PARD6G: variants seen among roughly 807,000 people sequenced by gnomAD.
PARD6G encodes the protein par-6 family cell polarity regulator gamma.
A neutral mutation model predicts 10.7 loss-of-function variants in PARD6G; 7 were observed. The observed-to-expected ratio is 0.66, with a 90% CI of 0.37 to 1.23. The LOEUF (loss-of-function observed/expected upper bound fraction) is 1.23, where lower values mean the gene tolerates loss of function less well. Among genes scored for constraint, PARD6G ranks in the 50% most tolerant of loss-of-function variants. The pLI is 0.02. For missense variants in PARD6G, 548 were observed against 571.8 expected, an observed-to-expected ratio of 0.96 and a Z score of 0.42; for synonymous variants, 287 against 269.4, an observed-to-expected ratio of 1.07 and a Z score of -0.64.
intron 1 of PARD6G, among the ~76,000 whole-genome samples, chr18:80,215,244 T>C (rs1967151469): frequency 6.6e-6 from 1 of 152,146 alleles, no homozygotes; most frequent in African/African-American, 2.4e-5. Flanking sequence ...TTATAAGAAA[T>C]ACTAAAGGGC....
chr18:80,227,655 C>A (rs1967306928), intron 1 of PARD6G, among the ~76,000 whole-genome samples: 1 of 152,230 alleles, frequency 6.6e-6, no homozygotes, highest in Admixed American at 6.5e-5. Flanking sequence ...TCACACACAC[C>A]AGGTAGTGTT....
intron 1 of PARD6G, among the ~76,000 whole-genome samples, chr18:80,237,629 A>G (rs1466988810): frequency 6.6e-6 from 1 of 152,240 alleles, no homozygotes; most frequent in Admixed American, 6.5e-5. Context: ...TCCAGAATCT[A>G]CAAAGAACAC....
chr18:80,207,990 G>A (rs1156309254), intron 1 of PARD6G, among the ~76,000 whole-genome samples: 1 of 152,070 alleles, frequency 6.6e-6, no homozygotes, highest in Non-Finnish European at 1.5e-5. Context: ...AAAAATAAGA[G>A]TCTGTTTATC....
chr18:80,232,758 G>A (rs1207472314), intron 1 of PARD6G, among the ~76,000 whole-genome samples: 4 of 152,102 alleles, frequency 2.6e-5, no homozygotes, highest in Non-Finnish European at 4.4e-5. Flanking sequence ...GGCCAAACAC[G>A]CCCACACCAG....
At position 80,188,030 on chromosome 18, in the gene PARD6G, T is replaced by C. The variant is rs752946679; in HGVS notation, c.295+14680A>G. On this transcript the variant is annotated intron_variant, in intron 2 of 2. Transcript: ENST00000353265. This position sits in a 1 kb window ranked among gnomAD's most constrained non-coding sequence, Gnocchi z 5.4. ...ACGGGACTGCTGCATATGTGCTCCA[T>C]CACTGACTGAAACGCTAAGTGGTGC... 53 of 152,248 alleles carry C rather than the reference T, an allele frequency of 3.5e-4. No individual in the cohort carries two copies. The highest frequency in any genetic ancestry group is 3.3e-4 in the Admixed American group (5 of 15,284). The allele number at this position is 152,248 out of a possible 1,614,324, so 9.4% of individuals were successfully genotyped here.
intron 1 of PARD6G, among the ~76,000 whole-genome samples, chr18:80,236,999 C>A (rs1967430954): frequency 6.6e-6 from 1 of 152,168 alleles, no homozygotes; most frequent in African/African-American, 2.4e-5. Flanking sequence ...GAAAAAACTA[C>A]TTTAAAGTTC....
In PARD6G at chr18:80,180,080, A is replaced by T. The variant is rs1032621626; in HGVS notation, c.296-19474T>A. 6.6e-6 allele frequency among the ~76,000 whole-genome samples: 1 copy of T among 152,200 alleles called. No individual in the cohort carries two copies. Among genetic ancestry groups the T allele is most frequent in the African/African-American group, 2.4e-5 (1 of 41,460 alleles). On this transcript the variant is annotated intron_variant, in intron 2 of 2. Coordinates refer to ENST00000353265, the MANE Select transcript of PARD6G (RefSeq NM_032510.4). This position sits in a 1 kb window ranked among gnomAD's most constrained non-coding sequence, Gnocchi z 5.6. ...CAGTGGTCTGCAGAGAGGAGAGGAA[A>T]GGGGAAGCTGAATGTCCCGTGGAAA...
rs1487237000 is a variant in PARD6G, at chr18:80,246,481, C to G, written c.72+796G>C. ...CAGGCAGCGGGAGGGGCCGGGCACG[C>G]CCGTGGGGGTGGTCTGGGTACGGGT... is the stretch of plus-strand genomic sequence containing the variant. On this transcript the variant is annotated intron_variant, in intron 1 of 2. Coordinates refer to ENST00000353265, the MANE Select transcript of PARD6G (RefSeq NM_032510.4). This position sits in a 1 kb window ranked among gnomAD's most constrained non-coding sequence, Gnocchi z 6.7. Among the ~76,000 whole-genome samples, 1 of 152,054 alleles carries G rather than the reference C, an allele frequency of 6.6e-6. No homozygotes were observed. Among genetic ancestry groups the G allele is most frequent in the Non-Finnish European group, 1.5e-5 (1 of 67,942 alleles).
chr18:80,240,794 G>A (rs114584858), intron 1 of PARD6G, among the ~76,000 whole-genome samples: 381 of 152,306 alleles, frequency 2.5e-3, no homozygotes, highest in African/African-American at 8.7e-3. Context: ...TCAAGGAGAC[G>A]TGAGGCTGTG....
chr18:80,237,142 C>CA (rs529261105), intron 1 of PARD6G, among the ~76,000 whole-genome samples: 5 of 151,776 alleles, frequency 3.3e-5, no homozygotes, highest in African/African-American at 4.8e-5. Flanking sequence ...GTACTGGTAC[C>CA]AAAAAAAGAG....
At position 80,201,161 on chromosome 18, in the gene PARD6G, C is replaced by T. The variant is rs1036037330; in HGVS notation, c.295+1549G>A. Among the ~76,000 whole-genome samples the T allele has an allele frequency of 1.1e-4, 17 of 152,024 alleles. No individual in the cohort carries two copies. Among genetic ancestry groups the T allele is most frequent in the Admixed American group, 1.0e-3 (16 of 15,262 alleles). On this transcript the variant is annotated intron_variant, in intron 2 of 2. Coordinates refer to ENST00000353265, the MANE Select transcript of PARD6G (RefSeq NM_032510.4). This position sits in a 1 kb window ranked among gnomAD's most constrained non-coding sequence, Gnocchi z 5.9. ...GCAATGGACAGAGCCCAGAGGAAGC[C>T]GAGTAAGAGGACAGAGGACGACAGG...
In PARD6G at chr18:80,200,429, G is replaced by A. The variant is rs996188482; in HGVS notation, c.295+2281C>T. The stretch of plus-strand genomic sequence containing the variant: ...GAAGGGCTTGTCATCAGCAGATGTC[G>A]CTGTTAAGCTCTGACAACAACCCCA... On this transcript the variant is annotated intron_variant, in intron 2 of 2. Transcript: ENST00000353265. This position sits in a 1 kb window ranked among gnomAD's most constrained non-coding sequence, Gnocchi z 4.4. 6.6e-6 allele frequency among the ~76,000 whole-genome samples: 1 copy of A among 152,146 alleles called. No homozygotes were observed. Among genetic ancestry groups the A allele is most frequent in the Non-Finnish European group, 1.5e-5 (1 of 68,048 alleles).
rs1330241371 is a variant in PARD6G at position 80,200,960 on chromosome 18, G to A, written c.295+1750C>T. Among the ~76,000 whole-genome samples, 1 of 152,202 alleles carries A rather than the reference G, an allele frequency of 6.6e-6. No homozygotes were observed. Among genetic ancestry groups the A allele is most frequent in the Non-Finnish European group, 1.5e-5 (1 of 68,044 alleles). ...GGACAAAAAGACTTGTTTCCTGCAC[G>A]ATGGGCAACAAAGCCTGTGCGCACA... On this transcript the variant is annotated intron_variant, in intron 2 of 2. Coordinates refer to ENST00000353265, the MANE Select transcript of PARD6G (RefSeq NM_032510.4). This position sits in a 1 kb window ranked among gnomAD's most constrained non-coding sequence, Gnocchi z 4.4.
At position 80,160,157 on chromosome 18, in the gene PARD6G, G is replaced by C. The variant is rs1395124323; in HGVS notation, c.745C>G (p.Pro249Ala). ...NSHNLIVTVKPANQRNNVVRG... is the reference protein window; with the variant it reads ...NSHNLIVTVKAANQRNNVVRG... ...ACCACGTTGTTGCGCTGGTTGGCGG[G>C]CTTGACGGTGACGATGAGGTTGTGG... Residue 249 changes from proline to alanine, a missense_variant, in exon 3 of 3, where the codon CCC (proline) becomes GCC (alanine). By Grantham distance (27) the Pro-to-Ala change is conservative. This residue lies in a region of PARD6G where 313 missense variants were observed against 279.9 expected (regional missense o/e 1.12). Transcript: ENST00000353265. 1 of 1,613,370 alleles carries C rather than the reference G, an allele frequency of 6.2e-7. No individual in the cohort carries two copies. The highest frequency in any genetic ancestry group is 1.6e-4 in the Middle Eastern group (1 of 6,062).
chr18:80,159,747 A>G lies in PARD6G; in HGVS notation c.*24T>C. On this transcript the variant is annotated 3_prime_UTR_variant, in exon 3 of 3. Coordinates refer to ENST00000353265, the MANE Select transcript of PARD6G (RefSeq NM_032510.4). ...CTGTCCTTACCGGGGAACTGGAGCT[A>G]GGATTTGGGGGCCTCTCGGGAGTCT... The G allele has an allele frequency of 1.3e-5, 18 of 1,377,448 alleles. No individual in the cohort carries two copies. The highest frequency in any genetic ancestry group is 1.6e-5 in the Non-Finnish European group (17 of 1,065,054). The allele number at this position is 1,377,448 out of a possible 1,614,324, so 85.3% of individuals were successfully genotyped here.
chr18:80,199,225 CAGTCCTTG>C (rs778181676), intron 2 of PARD6G, among the ~76,000 whole-genome samples: 2 of 152,206 alleles, frequency 1.3e-5, no homozygotes, highest in African/African-American at 2.4e-5. Context: ...CATCAATACA[CAGTCCTTG>C]AATAATGAGA....
chr18:80,221,663 C>T (rs972630917), intron 1 of PARD6G, among the ~76,000 whole-genome samples: 10 of 152,100 alleles, frequency 6.6e-5, no homozygotes, highest in Non-Finnish European at 1.5e-4. Context: ...TGTCTACTTT[C>T]ACATCATCTA....
intron 1 of PARD6G, among the ~76,000 whole-genome samples, chr18:80,242,664 A>G (rs1967503525): frequency 6.6e-6 from 1 of 152,252 alleles, no homozygotes; most frequent in Non-Finnish European, 1.5e-5. Context: ...CACCATCTGC[A>G]CTGATTGGAA....
chr18:80,194,599 G>A (rs1027603491), intron 2 of PARD6G, among the ~76,000 whole-genome samples: 8 of 152,092 alleles, frequency 5.3e-5, no homozygotes, highest in African/African-American at 1.9e-4. Flanking sequence ...ACCCCCCCGA[G>A]ATCTTAGTTC....
Sources: allele counts gnomAD v4.1 joint callset (sites outside exome capture counted in the v4.1 genomes callset), GRCh38; gene constraint gnomAD v4.1.1; regional missense constraint gnomAD v4.1.1; non-coding constraint Gnocchi (gnomAD v3.1); transcripts MANE v1.5; gene names NCBI Gene and HGNC (gene_info 2026-07-23, HGNC 2026-07-21).